BRINP1: variants seen among roughly 807,000 people sequenced by gnomAD.
The protein encoded by BRINP1 is BMP/retinoic acid-inducible neural-specific protein 1.
BRINP1 carries 17 observed loss-of-function variants against 72.9 expected under a neutral mutation model. The ratio of observed to expected loss-of-function variants is 0.23; its 90% CI spans 0.16 to 0.35. The LOEUF is 0.35. Among genes scored for constraint, BRINP1 ranks in the 10% least tolerant of loss-of-function variants. The pLI is 1.00. For synonymous variants in BRINP1, 418 were observed against 378.5 expected, an observed-to-expected ratio of 1.10 and a Z score of -1.21; for missense variants, 850 against 1,001.6, an observed-to-expected ratio of 0.85 and a Z score of 2.04.
chr9:119,238,534 G>T (rs1830213774), intron 5 of BRINP1, 121 bp downstream of exon 5: 1 of 592,296 alleles, frequency 1.7e-6, no homozygotes, highest in African/African-American at 1.9e-5. Context: ...GTTTTCATTA[G>T]ATTTTCTATG....
chr9:119,238,826 G>T, intron 4 of BRINP1, 66 bp from the exon 5 acceptor site: 1 of 1,081,400 alleles, frequency 9.2e-7, no homozygotes, highest in Non-Finnish European at 1.4e-6. Flanking sequence ...ACCCCAAAGA[G>T]TCATGCCCCA....
At chr9:119,280,916 A>G (rs1198311956) in intron 2 of BRINP1, among the ~76,000 whole-genome samples, 1 of 152,214 alleles carries the variant, frequency 6.6e-6, no homozygotes, top group Non-Finnish European at 1.5e-5. Flanking sequence ...CCATGCCTTG[A>G]AGACTGCTTA....
intron 6 of BRINP1, among the ~76,000 whole-genome samples, chr9:119,210,847 G>A (rs910609003): frequency 6.6e-6 from 1 of 152,126 alleles, no homozygotes; most frequent in African/African-American, 2.4e-5. Context: ...TCCAAATGCT[G>A]AGAATGACAT....
chr9:119,171,440 A>AATATATATGCACCCAATACAGGAGC (rs1829409534), intron 7 of BRINP1, among the ~76,000 whole-genome samples: 3 of 148,884 alleles, frequency 2.0e-5, no homozygotes, highest in Admixed American at 1.3e-4. Context: ...AACTATCCTA[A>AATATATATGCACCCAATACAGGAGC]ATATATATGC....
rs546711383 is a variant in BRINP1, at chr9:119,264,482, A to G, written c.219-15332T>C. Among the ~76,000 whole-genome samples the G allele has an allele frequency of 1.1e-4, 16 of 152,240 alleles. No homozygotes were observed. In the South Asian group the frequency reaches 2.9e-3, roughly 28 times the overall value. ...GAACCCCACTGTCTATGAGACAAAT[A>G]GGAAACTCTCTCGATTTATATTCAA... On this transcript the variant is annotated intron_variant, in intron 2 of 7. Coordinates refer to ENST00000265922, the MANE Select transcript of BRINP1 (RefSeq NM_014618.3).
intron 2 of BRINP1, among the ~76,000 whole-genome samples, chr9:119,307,659 C>T (rs1022942879): frequency 1.4e-4 from 22 of 152,306 alleles, no homozygotes; most frequent in African/African-American, 4.8e-4. Flanking sequence ...TGTGCTCTGA[C>T]GTAGGCTGGA....
intron 1 of BRINP1, among the ~76,000 whole-genome samples, chr9:119,318,441 C>T (rs1425858702): frequency 6.6e-6 from 1 of 152,152 alleles, no homozygotes; most frequent in African/African-American, 2.4e-5. Context: ...ATCTGCTTGT[C>T]ACTGCAAGTC....
At chr9:119,310,259 A>G (rs2118991986) in intron 2 of BRINP1, among the ~76,000 whole-genome samples, 1 of 152,298 alleles carries the variant, frequency 6.6e-6, no homozygotes, top group South Asian at 2.1e-4. Context: ...CGAGGTCAAA[A>G]GTTCTCCCAC....
intron 2 of BRINP1, among the ~76,000 whole-genome samples, chr9:119,301,479 A>C (rs1248221729): frequency 6.6e-6 from 1 of 152,242 alleles, no homozygotes; most frequent in Non-Finnish European, 1.5e-5. Context: ...GATGAAGAAC[A>C]AACAAATTAG....
intron 1 of BRINP1, among the ~76,000 whole-genome samples, chr9:119,362,996 T>C (rs1057244772): frequency 2.0e-5 from 3 of 152,178 alleles, no homozygotes; most frequent in Non-Finnish European, 4.4e-5. Flanking sequence ...CCTAATTCCC[T>C]TTTATGTCAT....
At chr9:119,304,338 G>A (rs1830972988) in intron 2 of BRINP1, among the ~76,000 whole-genome samples, 1 of 152,202 alleles carries the variant, frequency 6.6e-6, no homozygotes, top group Non-Finnish European at 1.5e-5. Flanking sequence ...ATTAAGGTCT[G>A]CCTGAGTCTA....
At chr9:119,171,490 G>A (rs1362702475) in intron 7 of BRINP1, among the ~76,000 whole-genome samples, 1 of 151,068 alleles carries the variant, frequency 6.6e-6, no homozygotes, top group Non-Finnish European at 1.5e-5. Context: ...AGCAAGTCCC[G>A]AGTGACTTAC....
chr9:119,175,106 T>TTAAAG (rs58064138), intron 7 of BRINP1, among the ~76,000 whole-genome samples: 27 of 130,460 alleles, frequency 2.1e-4, no homozygotes, highest in Non-Finnish European at 4.2e-4. Flanking sequence ...ACCCTAAAAC[T>TTAAAG]TAAAGTAAAG....
At chr9:119,290,686 A>G (rs935136442) in intron 2 of BRINP1, among the ~76,000 whole-genome samples, 2 of 152,154 alleles carry the variant, frequency 1.3e-5, no homozygotes, top group African/African-American at 4.8e-5. Flanking sequence ...ACCCAGGGAA[A>G]ATGGAGGGAA....
chr9:119,353,821 ACTTTTTT>A (rs1831528933), intron 1 of BRINP1, among the ~76,000 whole-genome samples: 1 of 58,498 alleles, frequency 1.7e-5, no homozygotes, highest in South Asian at 5.3e-4. Context: ...TGTTTTGAGC[ACTTTTTT>A]TTTTTTTTTT....
chr9:119,205,219 T>C (rs1829841087), intron 7 of BRINP1, among the ~76,000 whole-genome samples: 1 of 152,156 alleles, frequency 6.6e-6, no homozygotes, highest in Admixed American at 6.5e-5. Context: ...CTGGGAAGGC[T>C]TCAGAGGAAT....
At chr9:119,238,514 C>A in intron 5 of BRINP1, 141 bp downstream of exon 5, 1 of 555,798 alleles carries the variant, frequency 1.8e-6, no homozygotes, top group Non-Finnish European at 3.2e-6. Flanking sequence ...GTCTAATTTC[C>A]ATATTTGCAG....
chr9:119,294,079 A>G (rs1307446964), intron 2 of BRINP1, among the ~76,000 whole-genome samples: 1 of 152,248 alleles, frequency 6.6e-6, no homozygotes, highest in African/African-American at 2.4e-5. Context: ...TGAAGATACA[A>G]AATAAACATA....
intron 7 of BRINP1, among the ~76,000 whole-genome samples, chr9:119,183,708 A>G (rs780349659): frequency 1.3e-5 from 2 of 152,242 alleles, no homozygotes; most frequent in Non-Finnish European, 2.9e-5. Context: ...TGACATTTTC[A>G]TATCACTTTC....
Sources: allele counts gnomAD v4.1 joint callset (sites outside exome capture counted in the v4.1 genomes callset), GRCh38; gene constraint gnomAD v4.1.1; transcripts MANE v1.5; gene names NCBI Gene and HGNC (gene_info 2026-07-23, HGNC 2026-07-21).